CNTNAP5: variants seen among roughly 807,000 people sequenced by gnomAD.
CNTNAP5 encodes contactin-associated protein-like 5.
CNTNAP5 carries 72 observed loss-of-function variants against 150.2 expected under a neutral mutation model. The observed-to-expected ratio is 0.48, with a 90% CI of 0.40 to 0.58. CNTNAP5 has a LOEUF of 0.58. Ranked by LOEUF, CNTNAP5 falls within the 20% of genes least tolerant of loss-of-function variation. The pLI is 0.00. For missense variants in CNTNAP5, 1,636 were observed against 1,626.2 expected (o/e 1.01, Z -0.10); for synonymous variants, 672 against 619.8 (o/e 1.08, Z -1.25).
At position 124,763,745 on chromosome 2, in the gene CNTNAP5, A is replaced by G; in HGVS notation, c.2308A>G (p.Arg770Gly). 1 of 1,613,192 alleles carries G rather than the reference A, an allele frequency of 6.2e-7. No homozygotes were observed. Among genetic ancestry groups the G allele is most frequent in the Non-Finnish European group, 8.5e-7 (1 of 1,179,480 alleles). The change falls in exon 15 of 24, where the codon AGA becomes GGA. Residue 770 changes from arginine (R) to glycine (G), a missense_variant. Transcript: ENST00000682447. ...TCAGATAGTTATCACTGATACCGACAGATCAAACTCAGAAGCCGCTTGGAG... is the reference window on the plus strand; with the variant it reads ...TCAGATAGTTATCACTGATACCGACGGATCAAACTCAGAAGCCGCTTGGAG... ...VTQIVITDTD[R>G]SNSEAAWRIG...
intron 1 of CNTNAP5, among the ~76,000 whole-genome samples, chr2:124,054,218 G>T (rs1305527088): frequency 6.6e-6 from 1 of 152,114 alleles, no homozygotes; most frequent in Non-Finnish European, 1.5e-5. Flanking sequence ...ATGTGCACTT[G>T]GCTTTTTGTC....
At chr2:124,603,977 G>A (rs557223212) in intron 11 of CNTNAP5, among the ~76,000 whole-genome samples, 40 of 152,186 alleles carry the variant, frequency 2.6e-4, no homozygotes, top group Non-Finnish European at 4.3e-4. Context: ...TAAAAGTCTT[G>A]TTTTTAGGCA....
At chr2:124,859,100 C>G (rs1168435155) in intron 19 of CNTNAP5, among the ~76,000 whole-genome samples, 1 of 151,950 alleles carries the variant, frequency 6.6e-6, no homozygotes, top group Non-Finnish European at 1.5e-5. Context: ...GCAAAAGAAA[C>G]TACCATCAGA....
At chr2:124,317,293 A>G (rs1386863405) in intron 3 of CNTNAP5, among the ~76,000 whole-genome samples, 1 of 152,206 alleles carries the variant, frequency 6.6e-6, no homozygotes. Context: ...GAAAATTGGA[A>G]CTATAAACTG....
intron 3 of CNTNAP5, among the ~76,000 whole-genome samples, chr2:124,353,286 C>CAAAAAAAAAAAAAAAAAAAAA (rs565907115): frequency 3.4e-5 from 3 of 88,258 alleles, no homozygotes; most frequent in Non-Finnish European, 4.3e-5. Context: ...AAAAACAGAC[C>CAAAAAAAAAAAAAAAAAAAAA]AAAAAAAAAA....
chr2:124,529,254 G>C (rs1695050584), intron 10 of CNTNAP5, among the ~76,000 whole-genome samples: 1 of 152,120 alleles, frequency 6.6e-6, no homozygotes, highest in Non-Finnish European at 1.5e-5. Flanking sequence ...CTCTTCCAAA[G>C]TGTTGATCAA....
At chr2:124,724,850 G>A (rs1057103309) in intron 13 of CNTNAP5, among the ~76,000 whole-genome samples, 8 of 150,474 alleles carry the variant, frequency 5.3e-5, no homozygotes, top group Admixed American at 4.0e-4. Flanking sequence ...CAATTCGAAG[G>A]CAACTCCTTT....
intron 19 of CNTNAP5, among the ~76,000 whole-genome samples, chr2:124,822,725 T>C (rs1181550599): frequency 6.6e-6 from 1 of 152,232 alleles, no homozygotes; most frequent in African/African-American, 2.4e-5. Context: ...GCAGATGTTA[T>C]GTTTACTCAC....
chr2:124,554,004 T>C (rs964672173), intron 10 of CNTNAP5, among the ~76,000 whole-genome samples: 23 of 152,228 alleles, frequency 1.5e-4, no homozygotes, highest in Non-Finnish European at 3.2e-4. Context: ...TTTTTGAATG[T>C]AGAACAGACT....
intron 13 of CNTNAP5, among the ~76,000 whole-genome samples, chr2:124,655,939 G>GAA (rs1293660826): frequency 0.1 from 10,219 of 99,944 alleles, 479 homozygotes; most frequent in African/African-American, 0.14. Flanking sequence ...GAGAGAGAGA[G>GAA]AGAGAGAGAA....
At chr2:124,053,711 C>T (rs1681771104) in intron 1 of CNTNAP5, among the ~76,000 whole-genome samples, 1 of 152,154 alleles carries the variant, frequency 6.6e-6, no homozygotes, top group South Asian at 2.1e-4. Flanking sequence ...TCAGAGGTAG[C>T]TATTTATGTT....
chr2:124,854,314 A>G (rs1677299017), intron 19 of CNTNAP5, among the ~76,000 whole-genome samples: 1 of 152,172 alleles, frequency 6.6e-6, no homozygotes, highest in Non-Finnish European at 1.5e-5. Context: ...CACATACTTT[A>G]TATACATCTG....
chr2:124,098,282 A>T (rs1384645216), intron 1 of CNTNAP5, among the ~76,000 whole-genome samples: 1 of 152,212 alleles, frequency 6.6e-6, no homozygotes, highest in East Asian at 1.9e-4. Flanking sequence ...GTAGGACATC[A>T]TAAAGGTCCT....
intron 1 of CNTNAP5, among the ~76,000 whole-genome samples, chr2:124,157,319 G>A (rs1171271214): frequency 6.6e-6 from 1 of 152,118 alleles, no homozygotes; most frequent in Admixed American, 6.5e-5. Flanking sequence ...AGAAATAAAT[G>A]GAGTAATTCA....
intron 14 of CNTNAP5, among the ~76,000 whole-genome samples, chr2:124,752,106 T>C (rs1680739656): frequency 6.6e-6 from 1 of 152,158 alleles, no homozygotes; most frequent in Admixed American, 6.5e-5. Context: ...GAGAGAACTC[T>C]CCTACAATCT....
At chr2:124,517,188 G>C (rs912418455) in intron 8 of CNTNAP5, among the ~76,000 whole-genome samples, 1 of 151,298 alleles carries the variant, frequency 6.6e-6, no homozygotes, top group Non-Finnish European at 1.5e-5. Flanking sequence ...TTGTGGTGTT[G>C]GTGGTGGAGG....
Position 124,915,795 on chromosome 2 carries a change from G to A in CNTNAP5, c.*1507G>A, listed in dbSNP as rs928616690. On this transcript the variant is annotated 3_prime_UTR_variant, in exon 24 of 24. Transcript: ENST00000682447. ...TAAAGATCTTAATGATTTTTCTGTG[G>A]CAATATGCATCATTCTTTGTCCTGG... Among the ~76,000 whole-genome samples the A allele has an allele frequency of 1.3e-5, 2 of 151,986 alleles. No homozygotes were observed. Among genetic ancestry groups the A allele is most frequent in the African/African-American group, 4.8e-5 (2 of 41,406 alleles).
chr2:124,873,021 A>G (rs919260589), intron 21 of CNTNAP5, among the ~76,000 whole-genome samples: 1 of 152,154 alleles, frequency 6.6e-6, no homozygotes, highest in African/African-American at 2.4e-5. Context: ...TGGCATTGCC[A>G]TAAATACTTG....
At chr2:124,138,846 C>CAT (rs140574950) in intron 1 of CNTNAP5, among the ~76,000 whole-genome samples, 2,833 of 151,654 alleles carry the variant, frequency 0.019, 44 homozygotes, top group Middle Eastern at 0.034. Flanking sequence ...CACCACATAT[C>CAT]ATATATATAT....
Sources: allele counts gnomAD v4.1 joint callset (sites outside exome capture counted in the v4.1 genomes callset), GRCh38; gene constraint gnomAD v4.1.1; transcripts MANE v1.5; gene names NCBI Gene and HGNC (gene_info 2026-07-23, HGNC 2026-07-21).